The following DELE1 variants were observed in gnomAD, a reference collection of about 807,000 sequenced individuals.
DELE1 encodes the protein death ligand signal enhancer.
A neutral mutation model predicts 59.3 loss-of-function variants in DELE1; 54 were observed. The ratio of observed to expected loss-of-function variants is 0.91; its 90% confidence interval spans 0.73 to 1.14. The LOEUF is 1.14. DELE1 is among the 50% of genes most tolerant of loss of function. The pLI, the probability that DELE1 is intolerant of heterozygous loss-of-function variation, is 0.00. For synonymous variants in DELE1, 264 were observed against 259.1 expected (o/e 1.02, Z -0.18); for missense variants, 636 against 643.9 (o/e 0.99, Z 0.13).
intron 7 of DELE1, 32 bp downstream of exon 7, chr5:141,930,306 G>A: frequency 6.6e-7 from 1 of 1,510,680 alleles, no homozygotes; most frequent in Non-Finnish European, 9.2e-7. Context: ...CAAGGCAGGA[G>A]GGTGGGAAAA....
chr5:141,941,879 G>A lies in DELE1; in HGVS notation c.*3120G>A. ...ACCAAGCCTACCCAGCACATAGTAGGTACTTTAAGTAATTTGAATGAATAA... is the reference window on the plus strand; with the variant it reads ...ACCAAGCCTACCCAGCACATAGTAGATACTTTAAGTAATTTGAATGAATAA... On this transcript the variant is annotated 3_prime_UTR_variant, in exon 12 of 12. Coordinates refer to ENST00000432126, the MANE Select transcript of DELE1 (RefSeq NM_014773.5). 3 of 985,260 alleles carry A rather than the reference G, an allele frequency of 3.0e-6. No individual in the cohort carries two copies. The highest frequency in any genetic ancestry group is 3.6e-6 in the Non-Finnish European group (3 of 829,888). The allele number at this position is 985,260 out of a possible 1,614,324, so 61.0% of individuals were successfully genotyped here. A position where few individuals can be genotyped will look rare whatever the true frequency, so the allele number is the denominator to read the frequency against.
In DELE1 at chr5:141,936,835, C is replaced by T. The variant is rs928000554; in HGVS notation, c.1150-363C>T. The T allele has an allele frequency of 1.2e-5, 12 of 979,694 alleles. No individual in the cohort carries two copies. In the East Asian group the frequency reaches 3.4e-4, roughly 28 times the overall value. 60.7% of individuals were successfully genotyped at this position (979,694 alleles called of 1,614,324 possible). ...CTTTGGGAAGACAACCCTCCACCTT[C>T]GCCTCCTTGCTGTTTCAGGGCAACA... On this transcript the variant is annotated intron_variant, in intron 10 of 11. Coordinates refer to ENST00000432126, the MANE Select transcript of DELE1 (RefSeq NM_014773.5).
At chr5:141,938,432 G>A (rs1752536685) in intron 11 of DELE1, 89 bp from the exon 12 acceptor site, 1 of 1,536,822 alleles carries the variant, frequency 6.5e-7, no homozygotes, top group African/African-American at 1.4e-5. Context: ...AATGCCTGGG[G>A]AACCAAGCCC....
chr5:141,934,607 A>G (rs893111582), intron 10 of DELE1, 21 bp downstream of exon 10: 1 of 1,607,222 alleles, frequency 6.2e-7, no homozygotes, highest in African/African-American at 1.3e-5. Context: ...TCAGTGGACA[A>G]GCATGTTGGG....
chr5:141,930,419 G>A (rs973503398), intron 7 of DELE1, 145 bp downstream of exon 7: 34 of 633,470 alleles, frequency 5.4e-5, no homozygotes, highest in Admixed American at 5.1e-4. Context: ...GGCATGGCAG[G>A]GACCCATTCT....
intron 4 of DELE1, 38 bp downstream of exon 4, chr5:141,928,336 G>A: frequency 6.3e-7 from 1 of 1,594,240 alleles, no homozygotes; most frequent in East Asian, 2.2e-5. Context: ...GGCTGGGCTG[G>A]GCGTTTCTCT....
At chr5:141,928,082 G>C in intron 3 of DELE1, 69 bp from the exon 4 acceptor site, 1 of 1,520,414 alleles carries the variant, frequency 6.6e-7, no homozygotes, top group Non-Finnish European at 8.8e-7. Context: ...AGTGATGTTT[G>C]AGAATAAGGC....
chr5:141,935,386 G>C (rs914178238), intron 10 of DELE1, among the ~76,000 whole-genome samples: 1 of 152,224 alleles, frequency 6.6e-6, no homozygotes, highest in Non-Finnish European at 1.5e-5. Flanking sequence ...GTAATTTGCT[G>C]TATTCCTCAA....
At chr5:141,930,372 G>A in intron 7 of DELE1, 98 bp downstream of exon 7, 1 of 859,810 alleles carries the variant, frequency 1.2e-6, no homozygotes, top group Non-Finnish European at 1.8e-6. Flanking sequence ...GCTTAAACGA[G>A]AGATTTTATT....
intron 8 of DELE1, chr5:141,933,702 A>G (rs1411992848): frequency 5.6e-6 from 1 of 178,790 alleles, no homozygotes; most frequent in Non-Finnish European, 1.2e-5. Context: ...GGTTATATAT[A>G]AGAATGTATT....
rs1752774275 is a variant in DELE1, at chr5:141,942,030, C to T, written c.*3271C>T. On this transcript the variant is annotated 3_prime_UTR_variant, in exon 12 of 12. Coordinates refer to ENST00000432126, the MANE Select transcript of DELE1 (RefSeq NM_014773.5). ...TGGCACTTAGTAATTATTCAATAAA[C>T]ACAAAATGTTTGTTGCATGAGTGTT... 1 of 985,258 alleles carries T rather than the reference C, an allele frequency of 1.0e-6. No individual in the cohort carries two copies. The highest frequency in any genetic ancestry group is 1.7e-5 in the African/African-American group (1 of 57,196). 61.0% of individuals were successfully genotyped at this position (985,258 alleles called of 1,614,324 possible).
At chr5:141,930,633 A>G (rs552511143) in intron 7 of DELE1, among the ~76,000 whole-genome samples, 1 of 152,348 alleles carries the variant, frequency 6.6e-6, no homozygotes, top group African/African-American at 2.4e-5. Flanking sequence ...CTCGCCACAG[A>G]GGAGACTAGT....
At chr5:141,929,430 A>C in intron 4 of DELE1, 152 bp from the exon 5 acceptor site, 1 of 725,862 alleles carries the variant, frequency 1.4e-6, no homozygotes. Context: ...TTGTATTTTT[A>C]GTACAGATGG....
intron 4 of DELE1, among the ~76,000 whole-genome samples, chr5:141,929,206 G>A (rs1264655878): frequency 6.6e-6 from 1 of 152,180 alleles, no homozygotes; most frequent in Non-Finnish European, 1.5e-5. Flanking sequence ...GGAGGACTCA[G>A]TCAAGCCCGA....
At chr5:141,929,326 G>A (rs537414753) in intron 4 of DELE1, among the ~76,000 whole-genome samples, 1 of 152,186 alleles carries the variant, frequency 6.6e-6, no homozygotes, top group South Asian at 2.1e-4. Context: ...TTGGCTCACT[G>A]CAACCTCCGC....
Position 141,941,829 on chromosome 5 carries a change from C to T in DELE1, c.*3070C>T. The T allele has an allele frequency of 2.0e-6, 2 of 985,350 alleles. No homozygotes were observed. Among genetic ancestry groups the T allele is most frequent in the Non-Finnish European group, 1.2e-6 (1 of 829,914 alleles). 61.0% of individuals were successfully genotyped at this position (985,350 alleles called of 1,614,324 possible). A position where few individuals can be genotyped will look rare whatever the true frequency, so the allele number is the denominator to read the frequency against. On this transcript the variant is annotated 3_prime_UTR_variant, in exon 12 of 12. Coordinates refer to ENST00000432126, the MANE Select transcript of DELE1 (RefSeq NM_014773.5). ...CAACAAATAAGTGAGTGATTATACTCAACTCCCCCCACCCAATGCCCAGCA... is the reference window on the plus strand; with the variant it reads ...CAACAAATAAGTGAGTGATTATACTTAACTCCCCCCACCCAATGCCCAGCA...
chr5:141,928,601 A>C (rs1349057422), intron 4 of DELE1, among the ~76,000 whole-genome samples: 1 of 152,238 alleles, frequency 6.6e-6, no homozygotes, highest in Non-Finnish European at 1.5e-5. Context: ...TTCTCTGGTC[A>C]GTCACTCAGT....
chr5:141,928,238 T>C lies in DELE1; in HGVS notation c.352T>C (p.Cys118Arg), dbSNP rs1202455144. ...AGCAGGACCTCAGCGGGTAGAACACTGCTCCTGGCACAGTCCCCTGGACCG... is the reference window on the plus strand; with the variant it reads ...AGCAGGACCTCAGCGGGTAGAACACCGCTCCTGGCACAGTCCCCTGGACCG... ...LPAGPQRVEH[C>R]SWHSPLDRFF... is the part of the protein sequence containing the mutation. The change falls in exon 4 of 12, where the codon TGC becomes CGC. Residue 118 changes from cysteine (C) to arginine (R), a missense_variant. Cys to Arg is a radical substitution (Grantham distance 180). Transcript: ENST00000432126. The C allele has an allele frequency of 1.2e-6, 2 of 1,614,106 alleles. No homozygotes were observed. The highest frequency in any genetic ancestry group is 2.7e-5 in the African/African-American group (2 of 74,934).
chr5:141,938,638 G>GT lies in DELE1; in HGVS notation c.1427_1428insT (p.Asn477GlnfsTer42). 1.2e-6 allele frequency: 2 copies of GT among 1,614,090 alleles called. No individual in the cohort carries two copies. The highest frequency in any genetic ancestry group is 1.7e-6 in the Non-Finnish European group (2 of 1,180,026). ...CGCCTACCACATGCCTCGAGCACAGGCAACCTTGGCCTCCTCTGCAGAAGT... is the reference window on the plus strand; with the variant it reads ...CGCCTACCACATGCCTCGAGCACAGGTCAACCTTGGCCTCCTCTGCAGAAGT... On this transcript the variant is annotated frameshift_variant, in exon 12 of 12. Transcript: ENST00000432126. LOFTEE classifies it low-confidence loss of function (END_TRUNC).
Sources: allele counts gnomAD v4.1 joint callset (sites outside exome capture counted in the v4.1 genomes callset), GRCh38; gene constraint gnomAD v4.1.1; transcripts MANE v1.5; gene names NCBI Gene and HGNC (gene_info 2026-07-23, HGNC 2026-07-21).